Variants in SELP observed in about 807,000 individuals in gnomAD.
SELP encodes P-selectin.
SELP carries 92 observed loss-of-function variants against 104.1 expected under a neutral mutation model. The ratio of observed to expected loss-of-function variants is 0.88; its 90% CI spans 0.75 to 1.05. SELP has a LOEUF of 1.05. SELP is among the 50% of genes least tolerant of loss of function. The pLI, the probability that SELP is intolerant of heterozygous loss-of-function variation, is 0.00. For missense variants in SELP, 1,022 were observed against 1,017.3 expected (o/e 1.00, Z -0.06); for synonymous variants, 397 against 364.5 (o/e 1.09, Z -1.01).
At chr1:169,609,760 G>A (rs2101899001) in intron 7 of SELP, 71 bp from the exon 8 acceptor site, 1 of 1,401,576 alleles carries the variant, frequency 7.1e-7, no homozygotes, top group Non-Finnish European at 9.7e-7. Flanking sequence ...AAAATTCCTA[G>A]ATGCTATATC....
intron 10 of SELP, among the ~76,000 whole-genome samples, chr1:169,598,676 C>T (rs116106737): frequency 2.3e-3 from 352 of 152,282 alleles, no homozygotes; most frequent in Admixed American, 5.9e-3. Context: ...TTTTCATAAT[C>T]TCCCAGAATT....
intron 3 of SELP, among the ~76,000 whole-genome samples, chr1:169,615,963 C>G (rs1419462773): frequency 6.6e-6 from 1 of 152,142 alleles, no homozygotes; most frequent in Non-Finnish European, 1.5e-5. Context: ...CTGCTCGGGG[C>G]AGTCCATACC....
At chr1:169,621,564 G>T (rs975612463) in intron 1 of SELP, among the ~76,000 whole-genome samples, 4 of 152,034 alleles carry the variant, frequency 2.6e-5, no homozygotes, top group African/African-American at 9.7e-5. Context: ...TCATGTGTGT[G>T]CATGTGTTCA....
rs374948744 is a variant in SELP, at chr1:169,629,974, C to G, written c.3+98G>C. 3.4e-6 allele frequency: 5 copies of G among 1,475,264 alleles called. No homozygotes were observed. The South Asian group carries it at 5.7e-5, about 17-fold the overall frequency. 91.4% of individuals were successfully genotyped at this position (1,475,264 alleles called of 1,614,324 possible). A position where few individuals can be genotyped will look rare whatever the true frequency, so the allele number is the denominator to read the frequency against. Reference sequence around the variant, plus strand: ...ATTCAACATAAAACTCCATGGCTATCGCTGTTCCTCACTTTCTGAACCTTT... The same window carrying G: ...ATTCAACATAAAACTCCATGGCTATGGCTGTTCCTCACTTTCTGAACCTTT... On this transcript the variant is annotated intron_variant, in intron 1 of 16. Coordinates refer to ENST00000263686, the MANE Select transcript of SELP (RefSeq NM_003005.4).
At position 169,603,021 on chromosome 1, in the gene SELP, C is replaced by A; in HGVS notation, c.1705+5G>T. 2 of 1,607,940 alleles carry A rather than the reference C, an allele frequency of 1.2e-6. No homozygotes were observed. Among genetic ancestry groups the A allele is most frequent in the Non-Finnish European group, 1.7e-6 (2 of 1,175,372 alleles). The stretch of plus-strand genomic sequence containing the variant: ...GCCATAAGAAAGGACAGACCCACAG[C>A]CTACCTTCACACATTGGTGGGGAGT... On this transcript the variant is annotated splice_donor_5th_base_variant and intron_variant, in intron 10 of 16. Transcript: ENST00000263686.
chr1:169,616,996 A>T, intron 3 of SELP, 32 bp downstream of exon 3: 1 of 1,516,114 alleles, frequency 6.6e-7, no homozygotes. Flanking sequence ...TTTTTTTTTA[A>T]CAGGAAAGTT....
Position 169,603,147 on chromosome 1 carries a change from TC to T in SELP, c.1583del (p.Gly528GlufsTer105), listed in dbSNP as rs1255802197. On this transcript the variant is annotated frameshift_variant, in exon 10 of 17. Transcript: ENST00000263686. LOFTEE classifies it high-confidence loss of function. ...GACATGTGGATTTATAACTGGAACT[TC>T]CAAGAGGTTGAACACAGGTCATTGT... ...NGTMTCVQPL[G>X]SSSYKSTCQF... 4 of 1,614,144 alleles carry T rather than the reference TC, an allele frequency of 2.5e-6. No homozygotes were observed. The highest frequency in any genetic ancestry group is 3.4e-6 in the Non-Finnish European group (4 of 1,180,004).
chr1:169,595,338 C>A (rs1204959945), intron 12 of SELP, among the ~76,000 whole-genome samples: 1 of 152,090 alleles, frequency 6.6e-6, no homozygotes, highest in African/African-American at 2.4e-5. Context: ...TTTCAGGGAA[C>A]TTCAGGGTTA....
At chr1:169,606,841 C>T in intron 9 of SELP, 108 bp downstream of exon 9, 1 of 999,960 alleles carries the variant, frequency 1.0e-6, no homozygotes. Flanking sequence ...TATGAATTTT[C>T]CAGTCCATTT....
At chr1:169,609,425 G>T in intron 8 of SELP, 79 bp downstream of exon 8, 3 of 1,348,922 alleles carry the variant, frequency 2.2e-6, no homozygotes, top group Admixed American at 2.2e-5. Context: ...ATAAAGAAAG[G>T]CATGCCAATG....
intron 12 of SELP, among the ~76,000 whole-genome samples, chr1:169,595,360 T>C (rs750916671): frequency 2.6e-5 from 4 of 152,186 alleles, no homozygotes; most frequent in African/African-American, 7.2e-5. Flanking sequence ...TCTTTCTAAT[T>C]TATGGATAGG....
In SELP at chr1:169,591,948, G is replaced by T. The variant is rs1387337526; in HGVS notation, c.2408-492C>A. Among the ~76,000 whole-genome samples the T allele has an allele frequency of 2.0e-5, 3 of 152,258 alleles. No homozygotes were observed. The East Asian group carries it at 5.8e-4, about 29-fold the overall frequency. ...AAATTGGGAGAAGCTGAGGAAAAAA[G>T]CTCCCATCCCCAACAAATGAATGTA... On this transcript the variant is annotated intron_variant, in intron 14 of 16. Transcript: ENST00000263686.
intron 1 of SELP, among the ~76,000 whole-genome samples, chr1:169,620,379 CTTTTT>C (rs10603647): frequency 1.5e-5 from 2 of 130,250 alleles, no homozygotes. Context: ...TTCCACTGTA[CTTTTT>C]TTTTTTTTTT....
At chr1:169,627,352 G>C (rs902174977) in intron 1 of SELP, among the ~76,000 whole-genome samples, 2 of 152,046 alleles carry the variant, frequency 1.3e-5, no homozygotes, top group African/African-American at 4.8e-5. Context: ...AAGGGACCCA[G>C]GACATCAACA....
intron 13 of SELP, 132 bp from the exon 14 acceptor site, chr1:169,593,856 G>T: frequency 1.3e-6 from 1 of 787,614 alleles, no homozygotes. Context: ...TCCTGGGAAT[G>T]CTGACAAGCT....
chr1:169,610,273 A>G (rs1349991652), intron 7 of SELP, among the ~76,000 whole-genome samples: 1 of 152,094 alleles, frequency 6.6e-6, no homozygotes, highest in Non-Finnish European at 1.5e-5. Context: ...TCTAGAACAC[A>G]GGATGTCATC....
chr1:169,599,126 G>T (rs141847995), intron 10 of SELP, among the ~76,000 whole-genome samples: 1 of 152,140 alleles, frequency 6.6e-6, no homozygotes, highest in South Asian at 2.1e-4. Context: ...ATGTAAAGAA[G>T]TGGGTTTACC....
intron 3 of SELP, 69 bp downstream of exon 3, chr1:169,616,959 G>GGATCA: frequency 7.3e-7 from 1 of 1,361,756 alleles, no homozygotes; most frequent in Non-Finnish European, 9.5e-7. Context: ...CGGTGGTTAT[G>GGATCA]TTGGCCAACC....
At chr1:169,614,638 C>CA (rs3917866) in intron 3 of SELP, among the ~76,000 whole-genome samples, 3,471 of 152,240 alleles carry the variant, frequency 0.023, 66 homozygotes, top group Non-Finnish European at 0.039. Flanking sequence ...AAGTATATTA[C>CA]AAAAGAATAT....
Sources: allele counts gnomAD v4.1 joint callset (sites outside exome capture counted in the v4.1 genomes callset), GRCh38; gene constraint gnomAD v4.1.1; transcripts MANE v1.5; gene names NCBI Gene and HGNC (gene_info 2026-07-23, HGNC 2026-07-21).